The following RPS27A variants were observed in gnomAD, a reference collection of about 807,000 sequenced individuals.
RPS27A encodes ubiquitin-ribosomal protein eS31 fusion protein.
In RPS27A, 1 loss-of-function variant was observed where a neutral mutation model predicts 18.9. That is an observed-to-expected ratio of 0.05 (90% confidence interval 0.02 to 0.25). The LOEUF (loss-of-function observed/expected upper bound fraction) is 0.25. Ranked by LOEUF, RPS27A falls within the 10% of genes least tolerant of loss-of-function variation. RPS27A has a pLI of 1.00. For synonymous variants in RPS27A, 77 were observed against 63.7 expected, an observed-to-expected ratio of 1.21 and a Z score of -0.99; for missense variants, 123 against 187.4, an observed-to-expected ratio of 0.66 and a Z score of 2.01.
chr2:55,234,780 T>G, intron 4 of RPS27A, 51 bp from the exon 5 acceptor site: 1 of 1,607,020 alleles, frequency 6.2e-7, no homozygotes, highest in Non-Finnish European at 8.5e-7. Context: ...ATGTTGGGTG[T>G]GCCCATTCTT....
chr2:55,235,399 T>C, intron 5 of RPS27A, 29 bp from the exon 6 acceptor site: 1 of 1,611,226 alleles, frequency 6.2e-7, no homozygotes, highest in East Asian at 2.2e-5. Flanking sequence ...GTTGTAAAAT[T>C]ATCTTAACAG....
intron 4 of RPS27A, chr2:55,234,548 C>A (rs1339900613): frequency 3.6e-6 from 2 of 550,414 alleles, no homozygotes; most frequent in Non-Finnish European, 3.2e-6. Flanking sequence ...ATTCGAATAG[C>A]AGTAGATTTT....
intron 3 of RPS27A, chr2:55,233,668 C>G: frequency 1.9e-6 from 1 of 527,796 alleles, no homozygotes; most frequent in Non-Finnish European, 3.4e-6. Flanking sequence ...TCTCCTCTGT[C>G]GCCCAGGCTG....
Position 55,232,790 on chromosome 2 carries a change from C to G in RPS27A, c.-17-18C>G, listed in dbSNP as rs563342368. 11 of 1,601,094 alleles carry G rather than the reference C, an allele frequency of 6.9e-6. No homozygotes were observed. The East Asian group carries it at 8.9e-5, about 13-fold the overall frequency. ...TGATCCCTGACCTAACCTGTCTCTT[C>G]CTTTTCCTCAACCTCAGGTGGAGCC... On this transcript the variant is annotated intron_variant, in intron 1 of 5. Coordinates refer to ENST00000272317, the MANE Select transcript of RPS27A (RefSeq NM_002954.6).
Position 55,233,317 on chromosome 2 carries a change from A to C in RPS27A, c.49-46A>C, listed in dbSNP as rs1675591378. ...TGTCAAACTAAATGAGTTCTGCTGT[A>C]GTTCCTTAATGTGTAACCAACATGC... On this transcript the variant is annotated intron_variant, in intron 2 of 5. Transcript: ENST00000272317. 2.7e-6 allele frequency: 4 copies of C among 1,456,140 alleles called. No individual in the cohort carries two copies. The South Asian group carries it at 4.6e-5, about 17-fold the overall frequency. The allele number at this position is 1,456,140 out of a possible 1,614,324, so 90.2% of individuals were successfully genotyped here. A position where few individuals can be genotyped will look rare whatever the true frequency, so the allele number is the denominator to read the frequency against.
intron 2 of RPS27A, 116 bp from the exon 3 acceptor site, chr2:55,233,247 C>T (rs187089827): frequency 4.5e-6 from 4 of 890,490 alleles, no homozygotes; most frequent in South Asian, 2.8e-5. Flanking sequence ...TAATAGGTCT[C>T]TCGAGTAGGT....
intron 2 of RPS27A, 86 bp from the exon 3 acceptor site, chr2:55,233,277 C>A (rs1325965439): frequency 1.8e-6 from 2 of 1,137,416 alleles, no homozygotes; most frequent in East Asian, 4.8e-5. Context: ...GTCGCTGGTT[C>A]GGTTCAGTGG....
At chr2:55,233,802 G>C (rs773224799) in intron 3 of RPS27A, 25 of 478,620 alleles carry the variant, frequency 5.2e-5, no homozygotes, top group East Asian at 4.1e-5. Flanking sequence ...CTAATTTATT[G>C]TATTTTTAGT....
upstream of RPS27A, chr2:55,232,609 G>T: frequency 1.6e-6 from 1 of 613,456 alleles, no homozygotes. Context: ...CGGCAGTCAG[G>T]CATTTGGTGT....
chr2:55,234,182 T>G lies in RPS27A; in HGVS notation c.167T>G (p.Leu56Trp). The stretch of plus-strand genomic sequence containing the variant: ...AAGCAGCTGGAAGATGGACGTACTT[T>G]GTCTGACTACAATATTCAAAAGGTC... ...AGKQLEDGRTLSDYNIQKEST... is the reference protein window; with the variant it reads ...AGKQLEDGRTWSDYNIQKEST... The change falls in exon 4 of 6, where the codon TTG becomes TGG. Residue 56 changes from leucine to tryptophan, a missense_variant. Physicochemically the swap from Leu to Trp is moderately conservative, Grantham distance 61 (BLOSUM62 -2). Transcript: ENST00000272317. 6.2e-7 allele frequency: 1 copy of G among 1,610,300 alleles called. No homozygotes were observed. The highest frequency in any genetic ancestry group is 8.5e-7 in the Non-Finnish European group (1 of 1,176,514).
At chr2:55,235,392 G>A (rs1162500110) in intron 5 of RPS27A, 36 bp from the exon 6 acceptor site, 3 of 1,610,336 alleles carry the variant, frequency 1.9e-6, no homozygotes, top group Non-Finnish European at 2.5e-6. Context: ...AGAATGTGTT[G>A]TAAAATTATC....
chr2:55,233,260 C>T (rs1232895026), intron 2 of RPS27A, 103 bp from the exon 3 acceptor site: 1 of 998,172 alleles, frequency 1.0e-6, no homozygotes, highest in Non-Finnish European at 1.6e-6. Context: ...GAGTAGGTCT[C>T]AGCCCTGTCG....
Position 55,234,440 on chromosome 2 carries a change from G to T in RPS27A, c.189+236G>T, listed in dbSNP as rs1328131339. The T allele has an allele frequency of 8.6e-6, 5 of 578,036 alleles. No individual in the cohort carries two copies. In the Admixed American group the frequency reaches 9.0e-5, roughly 10 times the overall value. The allele number at this position is 578,036 out of a possible 1,614,324, so 35.8% of individuals were successfully genotyped here. A position where few individuals can be genotyped will look rare whatever the true frequency, so the allele number is the denominator to read the frequency against. On this transcript the variant is annotated intron_variant, in intron 4 of 5. Coordinates refer to ENST00000272317, the MANE Select transcript of RPS27A (RefSeq NM_002954.6). ...TGGTCTCAAACTCCTGGGCATAAGT[G>T]ATCTTCCCACCGTGGCCTCCCAGCG...
At chr2:55,233,735 T>A (rs980096437) in intron 3 of RPS27A, 23 of 474,976 alleles carry the variant, frequency 4.8e-5, no homozygotes, top group African/African-American at 3.9e-4. Flanking sequence ...TTCAAGTGAT[T>A]TTTGTGCTTC....
chr2:55,232,912 A>G (rs568777276), intron 2 of RPS27A, 40 bp downstream of exon 2: 2 of 1,550,102 alleles, frequency 1.3e-6, no homozygotes, highest in East Asian at 4.5e-5. Flanking sequence ...AGGTCCGAAT[A>G]AGGTCCTGAG....
intron 4 of RPS27A, 113 bp from the exon 5 acceptor site, chr2:55,234,718 T>C: frequency 8.1e-7 from 1 of 1,240,060 alleles, no homozygotes; most frequent in East Asian, 2.4e-5. Context: ...GGCTGCAAGA[T>C]TCCCTCAAAT....
chr2:55,232,411 C>T (rs577098011), upstream of RPS27A: 23 of 286,490 alleles, frequency 8.0e-5, no homozygotes, highest in South Asian at 8.0e-4. Flanking sequence ...CCCCCTCGAC[C>T]TCCTTTTAAA....
Position 55,232,848 on chromosome 2 carries a change from T to C in RPS27A, c.24T>C (p.Leu8=), listed in dbSNP as rs760303882. 9.9e-6 allele frequency: 16 copies of C among 1,612,894 alleles called. No homozygotes were observed. In the East Asian group the frequency reaches 3.6e-4, roughly 36 times the overall value. Residue 8 remains leucine, a synonymous_variant, in exon 2 of 6, where the codon CTT becomes CTC. Transcript: ENST00000272317. The part of the protein sequence containing the change: MQIFVKT[L]TGKTITLEVE... Reference sequence around the variant, plus strand: ...AAATGCAGATTTTCGTGAAAACCCTTACGGGGAAGACCATCACCCTCGAGG... The same window carrying C: ...AAATGCAGATTTTCGTGAAAACCCTCACGGGGAAGACCATCACCCTCGAGG...
chr2:55,233,849 T>C, intron 3 of RPS27A: 1 of 538,318 alleles, frequency 1.9e-6, no homozygotes. Context: ...AGGCTGGTTT[T>C]GAACTTTTCA....
Sources: gnomAD v4.1 joint callset for allele counts on GRCh38, gnomAD v4.1.1 for gene constraint, MANE v1.5 for transcripts, NCBI Gene and HGNC (gene_info 2026-07-23, HGNC 2026-07-21) for gene names.